The following ASTN2 variants were observed in gnomAD, a reference collection of about 807,000 sequenced individuals.
ASTN2 encodes the protein astrotactin-2.
ASTN2 carries 54 observed loss-of-function variants against 139.8 expected under a neutral mutation model. That is an observed-to-expected ratio of 0.39 (90% CI 0.31 to 0.48). The LOEUF is 0.48. Ranked by LOEUF, ASTN2 falls within the 20% of genes least tolerant of loss-of-function variation. The pLI, the probability that ASTN2 is intolerant of heterozygous loss-of-function variation, is 0.95. For missense variants in ASTN2, 1,565 were observed against 1,725.1 expected (o/e 0.91, Z 1.64); for synonymous variants, 756 against 719.5 (o/e 1.05, Z -0.81).
chr9:117,236,559 G>T (rs1441932099), intron 2 of ASTN2, among the ~76,000 whole-genome samples: 4 of 152,202 alleles, frequency 2.6e-5, no homozygotes, highest in African/African-American at 9.7e-5. Context: ...CTGGACTGTA[G>T]GGTCCATGAG....
intron 7 of ASTN2, among the ~76,000 whole-genome samples, chr9:116,985,078 C>T (rs1836637517): frequency 1.3e-5 from 2 of 152,190 alleles, no homozygotes; most frequent in African/African-American, 4.8e-5. Flanking sequence ...ATTGTGTGAC[C>T]TGAGGTAGTT....
intron 22 of ASTN2, among the ~76,000 whole-genome samples, chr9:116,430,963 T>C (rs1269829963): frequency 2.0e-5 from 3 of 152,158 alleles, no homozygotes; most frequent in Non-Finnish European, 2.9e-5. Flanking sequence ...ACCACTTTTG[T>C]CAAATACCGG....
chr9:117,111,178 C>G (rs553091401), intron 4 of ASTN2, among the ~76,000 whole-genome samples: 3 of 152,248 alleles, frequency 2.0e-5, no homozygotes, highest in Admixed American at 6.5e-5. Context: ...AAAGTTAAAT[C>G]CAAAATTACT....
intron 5 of ASTN2, among the ~76,000 whole-genome samples, chr9:117,067,331 A>G (rs1202766194): frequency 7.2e-6 from 1 of 138,142 alleles, no homozygotes; most frequent in Non-Finnish European, 1.6e-5. Context: ...ATGCGGCATT[A>G]TTTCTGAGGG....
chr9:117,265,810 T>A (rs1833927474), intron 2 of ASTN2, among the ~76,000 whole-genome samples: 1 of 147,776 alleles, frequency 6.8e-6, no homozygotes, highest in African/African-American at 2.5e-5. Flanking sequence ...AGCAAAATGG[T>A]AAAAAAAAAA....
intron 12 of ASTN2, among the ~76,000 whole-genome samples, chr9:116,809,068 T>A (rs1220472884): frequency 3.3e-5 from 5 of 152,146 alleles, no homozygotes; most frequent in African/African-American, 1.2e-4. Flanking sequence ...TATATTAAAA[T>A]TTTTTTCCAG....
At chr9:116,728,880 C>G (rs1214444639) in intron 15 of ASTN2, 112 bp downstream of exon 15, 1 of 857,514 alleles carries the variant, frequency 1.2e-6, no homozygotes, top group East Asian at 2.7e-5. Flanking sequence ...AGGATGCATC[C>G]TCATTTCCTC....
chr9:116,724,874 T>C (rs937777696), intron 16 of ASTN2, among the ~76,000 whole-genome samples: 2 of 152,206 alleles, frequency 1.3e-5, no homozygotes, highest in Non-Finnish European at 2.9e-5. Flanking sequence ...GGAAAGAACA[T>C]GGGCTTTTGC....
chr9:116,871,769 G>A (rs1254535436), intron 10 of ASTN2, among the ~76,000 whole-genome samples: 1 of 152,018 alleles, frequency 6.6e-6, no homozygotes, highest in Non-Finnish European at 1.5e-5. Flanking sequence ...ATGCTGCTAT[G>A]AACATTCATA....
intron 1 of ASTN2, among the ~76,000 whole-genome samples, chr9:117,397,222 C>T (rs1240321295): frequency 6.6e-6 from 1 of 152,142 alleles, no homozygotes; most frequent in African/African-American, 2.4e-5. Context: ...TCCCCTCAAG[C>T]ATTTATCCTT....
intron 19 of ASTN2, among the ~76,000 whole-genome samples, chr9:116,566,624 G>C (rs1181632927): frequency 1.3e-5 from 2 of 152,156 alleles, no homozygotes; most frequent in Non-Finnish European, 2.9e-5. Flanking sequence ...TCACCATGCG[G>C]AAATCCAATG....
intron 1 of ASTN2, among the ~76,000 whole-genome samples, chr9:117,310,838 G>A (rs188968690): frequency 2.0e-5 from 3 of 152,194 alleles, no homozygotes; most frequent in African/African-American, 7.2e-5. Flanking sequence ...TGCCTAGGCT[G>A]GTCTTGAATT....
At chr9:116,445,535 A>G (rs1847961216) in intron 20 of ASTN2, among the ~76,000 whole-genome samples, 2 of 152,158 alleles carry the variant, frequency 1.3e-5, no homozygotes, top group South Asian at 2.1e-4. Flanking sequence ...CCTTCACCCA[A>G]GAGGGCCCAG....
At chr9:117,334,052 T>C (rs930897749) in intron 1 of ASTN2, among the ~76,000 whole-genome samples, 1 of 152,140 alleles carries the variant, frequency 6.6e-6, no homozygotes, top group Non-Finnish European at 1.5e-5. Flanking sequence ...ATGGCAAACA[T>C]TTTGGGCTTT....
chr9:117,298,466 C>T (rs1483549440), intron 1 of ASTN2, among the ~76,000 whole-genome samples: 1 of 151,972 alleles, frequency 6.6e-6, no homozygotes, highest in Non-Finnish European at 1.5e-5. Flanking sequence ...CCTCAGTTCC[C>T]CCATCTACCA....
intron 5 of ASTN2, among the ~76,000 whole-genome samples, chr9:117,055,129 C>T (rs191400343): frequency 6.6e-6 from 1 of 152,316 alleles, no homozygotes; most frequent in Admixed American, 6.5e-5. Context: ...TGGGGGACCC[C>T]TGTCCTAGAT....
At chr9:117,059,313 C>T (rs114542816) in intron 5 of ASTN2, among the ~76,000 whole-genome samples, 50 of 152,218 alleles carry the variant, frequency 3.3e-4, no homozygotes, top group African/African-American at 1.2e-3. Context: ...TGGGGAAGTA[C>T]AGATAAAAAC....
chr9:116,526,669 A>G (rs73524107), intron 19 of ASTN2, among the ~76,000 whole-genome samples: 1,845 of 151,866 alleles, frequency 0.012, 33 homozygotes, highest in African/African-American at 0.042. Flanking sequence ...TTTTAGTTTC[A>G]GAAATACTGC....
intron 16 of ASTN2, among the ~76,000 whole-genome samples, chr9:116,706,816 G>A (rs1211175225): frequency 7.9e-6 from 1 of 126,508 alleles, no homozygotes; most frequent in African/African-American, 3.1e-5. Flanking sequence ...GCTTTGTGCT[G>A]TGCTGCTTTG....
Sources: gnomAD v4.1 joint callset for allele counts (sites outside exome capture counted in the v4.1 genomes callset) on GRCh38, gnomAD v4.1.1 for gene constraint, MANE v1.5 for transcripts, NCBI Gene and HGNC (gene_info 2026-07-23, HGNC 2026-07-21) for gene names.